DGCR2: variants seen among roughly 807,000 people sequenced by gnomAD.
DGCR2 encodes DiGeorge syndrome critical region gene 2, also known as integral membrane protein DGCR2/IDD.
In DGCR2, 24 loss-of-function variants were observed where a neutral mutation model predicts 51.6. The observed-to-expected ratio is 0.47, with a 90% confidence interval of 0.34 to 0.65. The LOEUF is 0.65. DGCR2 is among the 30% of genes least tolerant of loss of function. The pLI is 0.01. For synonymous variants in DGCR2, 340 were observed against 315.4 expected (o/e 1.08, Z -0.82); for missense variants, 765 against 772.1 (o/e 0.99, Z 0.11).
intron 1 of DGCR2, among the ~76,000 whole-genome samples, chr22:19,108,649 T>C (rs188117483): frequency 2.9e-4 from 36 of 124,452 alleles, no homozygotes; most frequent in Admixed American, 1.1e-3. Context: ...ATCTCAGAAA[T>C]AGACCTACAC....
intron 2 of DGCR2, among the ~76,000 whole-genome samples, chr22:19,074,951 C>T (rs1225175517): frequency 2.6e-5 from 4 of 152,190 alleles, no homozygotes; most frequent in African/African-American, 9.7e-5. Flanking sequence ...GTAATTTATA[C>T]AGGCCTTTTT....
chr22:19,120,585 G>T (rs807752), intron 1 of DGCR2, among the ~76,000 whole-genome samples: 35,587 of 152,030 alleles, frequency 0.23, 4,733 homozygotes, highest in African/African-American at 0.37. Context: ...AGTCGGGGAC[G>T]TCAGTCACCT....
At chr22:19,062,775 G>GCACATGCATGCTCTCTCTCTCTCCTCT (rs1555903875) in intron 5 of DGCR2, among the ~76,000 whole-genome samples, 2 of 108,860 alleles carry the variant, frequency 1.8e-5, no homozygotes, top group Non-Finnish European at 1.9e-5. Context: ...ACACATGCAT[G>GCACATGCATGCTCTCTCTCTCTCCTCT]CTCACTCTCT....
intron 6 of DGCR2, among the ~76,000 whole-genome samples, chr22:19,055,029 C>T (rs5993484): frequency 0.41 from 62,688 of 151,958 alleles, 13,374 homozygotes; most frequent in African/African-American, 0.53. Context: ...GACAAGAGAA[C>T]TGCCTGAACC....
intron 2 of DGCR2, among the ~76,000 whole-genome samples, chr22:19,076,942 G>A (rs1219935896): frequency 6.6e-6 from 1 of 151,488 alleles, no homozygotes; most frequent in Non-Finnish European, 1.5e-5. Flanking sequence ...GTGTTAGCCA[G>A]GATGGTCTCG....
chr22:19,105,980 G>A (rs1219308612), intron 1 of DGCR2, among the ~76,000 whole-genome samples: 1 of 151,560 alleles, frequency 6.6e-6, no homozygotes, highest in Admixed American at 6.6e-5. Flanking sequence ...CTTCCCCATC[G>A]CTGCCACTGC....
rs2083444859 is a variant in DGCR2 at position 19,122,341 on chromosome 22, T to C, written c.-135A>G. The C allele has an allele frequency of 4.5e-6, 3 of 661,214 alleles. No homozygotes were observed. Among genetic ancestry groups the C allele is most frequent in the Non-Finnish European group, 4.6e-6 (2 of 431,622 alleles). 41.0% of individuals were successfully genotyped at this position (661,214 alleles called of 1,614,324 possible). On this transcript the variant is annotated 5_prime_UTR_variant, in exon 1 of 10. Transcript: ENST00000263196. The stretch of plus-strand genomic sequence containing the variant: ...GCGCGGAGAGGCGGCGGGAAAGAGC[T>C]TCGGCTGGGCCGCGGGCTGGCGCAC...
chr22:19,047,940 C>A, intron 7 of DGCR2: 1 of 177,336 alleles, frequency 5.6e-6, no homozygotes, highest in Non-Finnish European at 1.2e-5. Flanking sequence ...GCCTGTAATC[C>A]CAGCACTTTG....
rs73877027 is a variant in DGCR2 at position 19,048,919 on chromosome 22, C to T, written c.803-276G>A. The stretch of plus-strand genomic sequence containing the variant: ...ACCTTCCCCACCTGGGCCTGGGGAA[C>T]GAACAAGGCAACTGAAGACTTGGCC... On this transcript the variant is annotated intron_variant, in intron 6 of 9. Transcript: ENST00000263196. Among the ~76,000 whole-genome samples, 961 of 152,326 alleles carry T rather than the reference C, an allele frequency of 6.3e-3. 15 individuals carry two copies. Among genetic ancestry groups the T allele is most frequent in the African/African-American group, 0.021 (880 of 41,572 alleles).
At chr22:19,122,051 G>C in intron 1 of DGCR2, 77 bp downstream of exon 1, 1 of 1,118,250 alleles carries the variant, frequency 8.9e-7, no homozygotes, top group East Asian at 3.5e-5. Flanking sequence ...AGGGCGCCGC[G>C]GGTGAAAGGA....
At chr22:19,104,669 C>T (rs776501709) in intron 1 of DGCR2, among the ~76,000 whole-genome samples, 10 of 152,202 alleles carry the variant, frequency 6.6e-5, no homozygotes, top group South Asian at 2.1e-4. Flanking sequence ...CTCCCACACC[C>T]GGGGTAGGGG....
chr22:19,039,141 G>T lies in DGCR2; in HGVS notation c.1397-20C>A, dbSNP rs2082404239. ...CATCGTCTGCAGGAAGAGACAGAGG[G>T]GTGTCAGAGGCAGGTACGGGCCTGG... On this transcript the variant is annotated intron_variant, in intron 9 of 9. Transcript: ENST00000263196. 1 of 1,612,126 alleles carries T rather than the reference G, an allele frequency of 6.2e-7. No homozygotes were observed. The highest frequency in any genetic ancestry group is 8.5e-7 in the Non-Finnish European group (1 of 1,179,676).
rs796208922 is a variant in DGCR2 at position 19,111,845 on chromosome 22, ATTT to A, written c.79+10280_79+10282del. 5.2e-3 allele frequency among the ~76,000 whole-genome samples: 673 copies of A among 130,328 alleles called. 9 individuals are homozygous for A. Among genetic ancestry groups the A allele is most frequent in the Middle Eastern group, 8.3e-3 (2 of 242 alleles). 85.5% of individuals were successfully genotyped at this position (130,328 alleles called of 152,430 possible). On this transcript the variant is annotated intron_variant, in intron 1 of 9. Coordinates refer to ENST00000263196, the MANE Select transcript of DGCR2 (RefSeq NM_005137.3). ...AACATCTAAACTCTTTTTTGTTTTT[ATTT>A]TTTATTTATTTATTTTTTTTTGTCT...
chr22:19,084,370 C>T (rs1356990495), intron 2 of DGCR2, among the ~76,000 whole-genome samples: 26 of 151,732 alleles, frequency 1.7e-4, no homozygotes, highest in Admixed American at 1.4e-3. Flanking sequence ...TGCCCGGCCA[C>T]GACCCCGTCT....
chr22:19,073,638 G>A (rs1325710498), intron 2 of DGCR2, among the ~76,000 whole-genome samples: 1 of 152,158 alleles, frequency 6.6e-6, no homozygotes, highest in Non-Finnish European at 1.5e-5. Flanking sequence ...CACTGGTGTT[G>A]GAGTAAAAAT....
At chr22:19,064,138 G>A (rs2082720965) in intron 4 of DGCR2, among the ~76,000 whole-genome samples, 1 of 152,186 alleles carries the variant, frequency 6.6e-6, no homozygotes, top group African/African-American at 2.4e-5. Context: ...GCCTAGAGAT[G>A]CCCATCAGCA....
intron 1 of DGCR2, among the ~76,000 whole-genome samples, chr22:19,110,113 C>T (rs771404851): frequency 3.9e-5 from 6 of 152,226 alleles, no homozygotes; most frequent in Non-Finnish European, 5.9e-5. Flanking sequence ...AGTCTGAAAG[C>T]TTCATTTCCT....
intron 2 of DGCR2, among the ~76,000 whole-genome samples, chr22:19,070,216 G>A (rs1024943611): frequency 1.3e-5 from 2 of 152,186 alleles, no homozygotes; most frequent in Admixed American, 6.5e-5. Context: ...CACTAGGATG[G>A]GGCATCAGCA....
chr22:19,085,394 A>G (rs1425945578), intron 2 of DGCR2, among the ~76,000 whole-genome samples: 1 of 152,252 alleles, frequency 6.6e-6, no homozygotes, highest in Non-Finnish European at 1.5e-5. Flanking sequence ...GGGAAGGCAG[A>G]AGCCACTGCA....
Sources: gnomAD v4.1 joint callset for allele counts (sites outside exome capture counted in the v4.1 genomes callset) on GRCh38, gnomAD v4.1.1 for gene constraint, MANE v1.5 for transcripts, NCBI Gene and HGNC (gene_info 2026-07-23, HGNC 2026-07-21) for gene names.